The following KCND2 variants were observed in gnomAD, a reference collection of about 807,000 sequenced individuals.
The protein encoded by KCND2 is potassium voltage-gated channel subfamily D member 2.
Under a neutral mutation model 54.4 loss-of-function variants are expected in KCND2, and 16 were observed. The ratio of observed to expected loss-of-function variants is 0.29; its 90% CI spans 0.20 to 0.45. KCND2 has a LOEUF of 0.45. Ranked by LOEUF, KCND2 falls within the 20% of genes least tolerant of loss-of-function variation. KCND2 has a pLI of 1.00. For synonymous variants in KCND2, 317 were observed against 310.7 expected, an observed-to-expected ratio of 1.02 and a Z score of -0.21; for missense variants, 486 against 824.2, an observed-to-expected ratio of 0.59 and a Z score of 5.02.
At chr7:120,513,360 A>G (rs1803148454) in intron 1 of KCND2, among the ~76,000 whole-genome samples, 1 of 152,150 alleles carries the variant, frequency 6.6e-6, no homozygotes, top group Non-Finnish European at 1.5e-5. Context: ...TTTTCTTCTC[A>G]CAAGGAAATA....
intron 1 of KCND2, among the ~76,000 whole-genome samples, chr7:120,419,623 G>T (rs369207959): frequency 4.6e-5 from 7 of 152,026 alleles, no homozygotes; most frequent in African/African-American, 1.4e-4. Context: ...ACACATATAT[G>T]TACATGTGTA....
chr7:120,527,930 A>G (rs936498832), intron 1 of KCND2, among the ~76,000 whole-genome samples: 3 of 152,164 alleles, frequency 2.0e-5, no homozygotes, highest in Non-Finnish European at 4.4e-5. Context: ...GAGCAGGGAT[A>G]TTTAGCCATC....
intron 1 of KCND2, among the ~76,000 whole-genome samples, chr7:120,391,201 G>C (rs556364309): frequency 7.2e-5 from 11 of 151,906 alleles, no homozygotes; most frequent in Non-Finnish European, 1.5e-4. Context: ...GTTTCCTGAG[G>C]ATGATGATTT....
intron 1 of KCND2, among the ~76,000 whole-genome samples, chr7:120,667,500 C>G (rs1791942168): frequency 1.3e-5 from 2 of 151,874 alleles, no homozygotes. Flanking sequence ...ATATAAAAAT[C>G]TAAGGAGTGG....
At chr7:120,373,813 T>C (rs1244152518) in intron 1 of KCND2, among the ~76,000 whole-genome samples, 22 of 151,818 alleles carry the variant, frequency 1.4e-4, no homozygotes. Context: ...GACAGATTTT[T>C]CCTACTCACT....
intron 1 of KCND2, among the ~76,000 whole-genome samples, chr7:120,279,511 A>G (rs994907309): frequency 2.6e-5 from 4 of 151,968 alleles, no homozygotes; most frequent in African/African-American, 9.7e-5. Flanking sequence ...TTAGAGATAA[A>G]TTTTATTATT....
At chr7:120,470,404 C>A (rs1012419079) in intron 1 of KCND2, among the ~76,000 whole-genome samples, 1 of 152,058 alleles carries the variant, frequency 6.6e-6, no homozygotes, top group Admixed American at 6.6e-5. Flanking sequence ...AGCACTTTAA[C>A]ATAGTGTGCC....
intron 1 of KCND2, among the ~76,000 whole-genome samples, chr7:120,546,793 G>C (rs570305295): frequency 6.6e-6 from 1 of 152,018 alleles, no homozygotes; most frequent in African/African-American, 2.4e-5. Context: ...ACACAATATA[G>C]ATTTTAAGTT....
In KCND2 at chr7:120,273,299, C is replaced by T. The variant is rs1355376214; in HGVS notation, c.-1334C>T. Among the ~76,000 whole-genome samples, 1 of 151,294 alleles carries T rather than the reference C, an allele frequency of 6.6e-6. No homozygotes were observed. The highest frequency in any genetic ancestry group is 1.5e-5 in the Non-Finnish European group (1 of 67,610). On this transcript the variant is annotated 5_prime_UTR_variant, in exon 1 of 6. Transcript: ENST00000331113. ...GGACCACCCACTGGCGGGGAAGCAG[C>T]TAGCAGCCCTCCCGCGCCCCCGCGC...
At chr7:120,314,215 A>C (rs1372400748) in intron 1 of KCND2, among the ~76,000 whole-genome samples, 1 of 152,106 alleles carries the variant, frequency 6.6e-6, no homozygotes, top group Non-Finnish European at 1.5e-5. Context: ...CTTTTGTACA[A>C]AATGTATAGG....
chr7:120,567,163 T>G (rs929204093), intron 1 of KCND2, among the ~76,000 whole-genome samples: 1 of 152,182 alleles, frequency 6.6e-6, no homozygotes, highest in Non-Finnish European at 1.5e-5. Context: ...ACTAACACTA[T>G]TATTTTCCCT....
At chr7:120,616,129 G>T (rs1297144764) in intron 1 of KCND2, among the ~76,000 whole-genome samples, 6 of 152,176 alleles carry the variant, frequency 3.9e-5, no homozygotes, top group Non-Finnish European at 5.9e-5. Context: ...AAAGAGGGAA[G>T]AAGCAAATTA....
At chr7:120,567,349 T>C (rs1187616508) in intron 1 of KCND2, among the ~76,000 whole-genome samples, 1 of 152,196 alleles carries the variant, frequency 6.6e-6, no homozygotes, top group Non-Finnish European at 1.5e-5. Context: ...CTGTTTATAT[T>C]TGTTGCAACA....
At chr7:120,276,112 G>T (rs908814516) in intron 1 of KCND2, among the ~76,000 whole-genome samples, 3 of 152,026 alleles carry the variant, frequency 2.0e-5, no homozygotes, top group African/African-American at 7.2e-5. Context: ...ATATTGAAAT[G>T]TCTATAAAGT....
intron 1 of KCND2, among the ~76,000 whole-genome samples, chr7:120,431,623 A>T (rs1180432898): frequency 1.3e-5 from 2 of 152,168 alleles, no homozygotes; most frequent in African/African-American, 2.4e-5. Flanking sequence ...CATTGGAGAA[A>T]GGAATGCTTC....
intron 1 of KCND2, among the ~76,000 whole-genome samples, chr7:120,417,482 T>A (rs1430873153): frequency 6.6e-6 from 1 of 152,232 alleles, no homozygotes; most frequent in Non-Finnish European, 1.5e-5. Flanking sequence ...CCCTCAGTCA[T>A]CCTGCTAATT....
At chr7:120,741,862 T>C (rs1050556143) in intron 3 of KCND2, among the ~76,000 whole-genome samples, 5 of 152,138 alleles carry the variant, frequency 3.3e-5, no homozygotes, top group East Asian at 3.9e-4. Context: ...CTATTCATCA[T>C]TGGGCAATAT....
intron 1 of KCND2, among the ~76,000 whole-genome samples, chr7:120,470,029 A>G (rs1802431601): frequency 1.3e-5 from 2 of 152,086 alleles, no homozygotes; most frequent in Admixed American, 1.3e-4. Flanking sequence ...GGGGTGGAAT[A>G]CAGTATAATT....
At position 120,420,124 on chromosome 7, in the gene KCND2, A is replaced by G. The variant is rs1238102481; in HGVS notation, c.1115+144377A>G. ...TTAAATGCTGGCAAAAGTGAGGTAC[A>G]TTTGTGTTGTTATGAGTACTACATG... On this transcript the variant is annotated intron_variant, in intron 1 of 5. Transcript: ENST00000331113. Among the ~76,000 whole-genome samples, 2 of 152,150 alleles carry G rather than the reference A, an allele frequency of 1.3e-5. 1 individual carries two copies. Among genetic ancestry groups the G allele is most frequent in the Non-Finnish European group, 2.9e-5 (2 of 67,994 alleles).
Sources: allele counts gnomAD v4.1 joint callset (sites outside exome capture counted in the v4.1 genomes callset), GRCh38; gene constraint gnomAD v4.1.1; transcripts MANE v1.5; gene names NCBI Gene and HGNC (gene_info 2026-07-23, HGNC 2026-07-21).